Variants in MALRD1 observed in about 807,000 individuals in gnomAD.
MALRD1 encodes the protein MAM and LDL-receptor class A domain-containing protein 1.
MALRD1 carries 247 observed loss-of-function variants against 242.1 expected under a neutral mutation model. The observed-to-expected ratio is 1.02, with a 90% CI of 0.92 to 1.13. The LOEUF is 1.13. MALRD1 is among the 50% of genes most tolerant of loss of function. The pLI is 0.00. For synonymous variants in MALRD1, 995 were observed against 866.6 expected, an observed-to-expected ratio of 1.15 and a Z score of -2.60; for missense variants, 2,989 against 2,533.1, an observed-to-expected ratio of 1.18 and a Z score of -3.86.
intron 34 of MALRD1, among the ~76,000 whole-genome samples, chr10:19,603,635 C>G (rs904427450): frequency 6.6e-6 from 1 of 152,156 alleles, no homozygotes; most frequent in African/African-American, 2.4e-5. Flanking sequence ...TGTGATGCCT[C>G]CGGCTTTGTT....
At chr10:19,109,097 C>T (rs766161246) in intron 5 of MALRD1, among the ~76,000 whole-genome samples, 12 of 151,862 alleles carry the variant, frequency 7.9e-5, no homozygotes, top group Non-Finnish European at 1.6e-4. Flanking sequence ...GTAGTGTAGT[C>T]TCAGAGTAAT....
At chr10:19,602,228 G>C (rs1476019403) in intron 34 of MALRD1, among the ~76,000 whole-genome samples, 6 of 146,294 alleles carry the variant, frequency 4.1e-5, no homozygotes, top group Middle Eastern at 3.6e-3. Context: ...TAAGTTCTGG[G>C]GTGCACGTGC....
intron 32 of MALRD1, 23 bp downstream of exon 32, chr10:19,531,374 T>C: frequency 1.3e-6 from 2 of 1,506,778 alleles, no homozygotes; most frequent in Middle Eastern, 1.8e-4. Flanking sequence ...GCCAGAGATT[T>C]ATGATCACTG....
chr10:19,674,957 G>A (rs1842075491), intron 36 of MALRD1, among the ~76,000 whole-genome samples: 1 of 150,880 alleles, frequency 6.6e-6, no homozygotes, highest in Non-Finnish European at 1.5e-5. Flanking sequence ...CCAACTTCAG[G>A]ACATTTTTTT....
At position 19,491,512 on chromosome 10, in the gene MALRD1, C is replaced by A. The variant is rs1160921260; in HGVS notation, c.5030-5C>A. ...TACTGCTTTTGTTTTTTTGTTTTTC[C>A]CTAGTGGGAGAGATCTCTGAGCTTT... On this transcript the variant is annotated splice_region_variant and splice_polypyrimidine_tract_variant and intron_variant, in intron 29 of 39. Coordinates refer to ENST00000454679, the MANE Select transcript of MALRD1 (RefSeq NM_001142308.3). 8.4e-6 allele frequency: 13 copies of A among 1,547,520 alleles called. No homozygotes were observed. Among genetic ancestry groups the A allele is most frequent in the Admixed American group, 2.0e-5 (1 of 50,594 alleles).
chr10:19,541,435 T>C (rs1475520562), intron 32 of MALRD1, among the ~76,000 whole-genome samples: 1 of 152,196 alleles, frequency 6.6e-6, no homozygotes, highest in East Asian at 1.9e-4. Context: ...ACATGAAAAG[T>C]AATATTCTAG....
chr10:19,451,634 T>G (rs1306580918), intron 29 of MALRD1, among the ~76,000 whole-genome samples: 1 of 152,196 alleles, frequency 6.6e-6, no homozygotes, highest in East Asian at 1.9e-4. Flanking sequence ...GAATGCTGTT[T>G]AATTTTATTG....
chr10:19,648,173 AAG>A (rs1465665753), intron 36 of MALRD1, among the ~76,000 whole-genome samples: 15 of 152,304 alleles, frequency 9.8e-5, no homozygotes, highest in African/African-American at 3.4e-4. Context: ...CAAGAAATGA[AAG>A]AGAAATACTA....
At chr10:19,604,524 T>G (rs1040958771) in intron 34 of MALRD1, among the ~76,000 whole-genome samples, 1 of 152,154 alleles carries the variant, frequency 6.6e-6, no homozygotes, top group African/African-American at 2.4e-5. Flanking sequence ...GGAAAGAAAC[T>G]ATCACCATAA....
intron 11 of MALRD1, among the ~76,000 whole-genome samples, chr10:19,153,770 C>A (rs1038411166): frequency 2.6e-5 from 4 of 151,450 alleles, no homozygotes; most frequent in African/African-American, 9.7e-5. Flanking sequence ...CTTTTCATTA[C>A]TTTTTCAGTT....
At chr10:19,492,291 T>C (rs1334367409) in intron 30 of MALRD1, among the ~76,000 whole-genome samples, 1 of 152,186 alleles carries the variant, frequency 6.6e-6, no homozygotes, top group African/African-American at 2.4e-5. Context: ...TTATCTTTCC[T>C]AGAGAATATT....
At chr10:19,488,890 T>C (rs1368144885) in intron 29 of MALRD1, 1 of 355,424 alleles carries the variant, frequency 2.8e-6, no homozygotes, top group African/African-American at 2.1e-5. Context: ...TAAGAATACT[T>C]TGCATTTTCT....
At chr10:19,317,509 T>C (rs2132015199) in intron 21 of MALRD1, among the ~76,000 whole-genome samples, 1 of 152,088 alleles carries the variant, frequency 6.6e-6, no homozygotes, top group Non-Finnish European at 1.5e-5. Flanking sequence ...TCACAACAGC[T>C]TTTTTGGTGG....
At chr10:19,625,449 G>T (rs1839610646) in intron 36 of MALRD1, among the ~76,000 whole-genome samples, 1 of 151,850 alleles carries the variant, frequency 6.6e-6, no homozygotes, top group Admixed American at 6.6e-5. Context: ...AGTTAATGTA[G>T]AATATCCTCT....
chr10:19,301,022 A>G (rs1251997643), intron 21 of MALRD1, among the ~76,000 whole-genome samples: 1 of 151,964 alleles, frequency 6.6e-6, no homozygotes, highest in Non-Finnish European at 1.5e-5. Flanking sequence ...AACACACAAA[A>G]CCAAATAATC....
At chr10:19,244,764 T>A (rs1234271154) in intron 18 of MALRD1, among the ~76,000 whole-genome samples, 2 of 152,154 alleles carry the variant, frequency 1.3e-5, no homozygotes, top group East Asian at 3.9e-4. Flanking sequence ...GGTTTGATTG[T>A]CTTTGAGGTT....
chr10:19,209,794 T>C lies in MALRD1; in HGVS notation c.2991+114T>C, dbSNP rs1430802606. 3 of 964,428 alleles carry C rather than the reference T, an allele frequency of 3.1e-6. No homozygotes were observed. The African/African-American group carries it at 5.0e-5, about 16-fold the overall frequency. 59.7% of individuals were successfully genotyped at this position (964,428 alleles called of 1,614,324 possible). ...CAAGTGGAATTTGATCAAAGTTACA[T>C]TGAGACACATTTATCATTTATTTGA... On this transcript the variant is annotated intron_variant, in intron 18 of 39. Transcript: ENST00000454679.
intron 18 of MALRD1, among the ~76,000 whole-genome samples, chr10:19,248,335 C>A (rs1441613787): frequency 6.6e-6 from 1 of 150,910 alleles, no homozygotes; most frequent in East Asian, 1.9e-4. Flanking sequence ...TATTACAGAA[C>A]TTGTTCCTCT....
chr10:19,679,422 C>A (rs1257538129), intron 36 of MALRD1, among the ~76,000 whole-genome samples: 1 of 152,138 alleles, frequency 6.6e-6, no homozygotes, highest in Non-Finnish European at 1.5e-5. Flanking sequence ...TCTATTTCTT[C>A]TAGATTTTCT....
Sources: allele counts gnomAD v4.1 joint callset (sites outside exome capture counted in the v4.1 genomes callset), GRCh38; gene constraint gnomAD v4.1.1; transcripts MANE v1.5; gene names NCBI Gene and HGNC (gene_info 2026-07-23, HGNC 2026-07-21).